BCO1: variants seen among roughly 807,000 people sequenced by gnomAD.
The protein encoded by BCO1 is beta,beta-carotene 15,15'-dioxygenase.
In BCO1, 54 loss-of-function variants were observed where a neutral mutation model predicts 56.3. That is an observed-to-expected ratio of 0.96 (90% CI 0.77 to 1.20). The LOEUF (loss-of-function observed/expected upper bound fraction) is 1.20, where lower values mean the gene tolerates loss of function less well. Ranked by LOEUF, BCO1 falls within the 50% of genes most tolerant of loss-of-function variation. The pLI is 0.00. For synonymous variants in BCO1, 318 were observed against 266.1 expected (o/e 1.20, Z -1.90); for missense variants, 801 against 690.9 (o/e 1.16, Z -1.79).
chr16:81,259,944 C>A, intron 3 of BCO1, 139 bp downstream of exon 3: 1 of 1,064,262 alleles, frequency 9.4e-7, no homozygotes, highest in Non-Finnish European at 1.4e-6. Flanking sequence ...ACCAGAGGTG[C>A]TACACAGTTC....
At chr16:81,270,557 A>G in intron 7 of BCO1, 141 bp downstream of exon 7, 1 of 1,144,170 alleles carries the variant, frequency 8.7e-7, no homozygotes, top group South Asian at 1.4e-5. Context: ...TGTTTTTCCC[A>G]AAGTAGTACC....
chr16:81,281,047 T>C lies in BCO1; in HGVS notation c.1207+85T>C, dbSNP rs988660484. ...GAGGCCTCTTTACATAATAATTCCC[T>C]CCTGTGCATGGACAAGGGCCAAAAA... is the stretch of plus-strand genomic sequence containing the variant. On this transcript the variant is annotated intron_variant, in intron 8 of 10. Transcript: ENST00000258168. 1.0e-5 allele frequency: 10 copies of C among 974,210 alleles called. No homozygotes were observed. In the African/African-American group the frequency reaches 1.6e-4, roughly 16 times the overall value. The allele number at this position is 974,210 out of a possible 1,614,324, so 60.3% of individuals were successfully genotyped here.
chr16:81,287,472 C>T (rs994144964), intron 10 of BCO1, 66 bp downstream of exon 10: 41 of 1,295,084 alleles, frequency 3.2e-5, no homozygotes, highest in Non-Finnish European at 4.4e-5. Context: ...AACAGAGACA[C>T]CATCTGGGGG....
At chr16:81,244,219 A>G (rs111850415) in intron 1 of BCO1, among the ~76,000 whole-genome samples, 1 of 152,186 alleles carries the variant, frequency 6.6e-6, no homozygotes, top group Admixed American at 6.5e-5. Flanking sequence ...CACCAACAGC[A>G]TTTTCTGCAG....
At chr16:81,248,985 C>T (rs914121938) in intron 2 of BCO1, among the ~76,000 whole-genome samples, 1 of 152,038 alleles carries the variant, frequency 6.6e-6, no homozygotes, top group African/African-American at 2.4e-5. Context: ...GCACTCCAGC[C>T]TGGGTGACAC....
At chr16:81,245,438 G>A (rs1344876970) in intron 1 of BCO1, 37 bp from the exon 2 acceptor site, 2 of 1,614,022 alleles carry the variant, frequency 1.2e-6, no homozygotes, top group African/African-American at 1.3e-5. Context: ...TGGTTTGCAG[G>A]TGGAAACGGG....
chr16:81,281,460 A>T (rs1364683125), intron 8 of BCO1, among the ~76,000 whole-genome samples: 1 of 152,134 alleles, frequency 6.6e-6, no homozygotes, highest in Non-Finnish European at 1.5e-5. Context: ...AAATAAAAAT[A>T]AAAATAGGAA....
chr16:81,248,144 G>C (rs1236588246), intron 2 of BCO1, among the ~76,000 whole-genome samples: 1 of 152,066 alleles, frequency 6.6e-6, no homozygotes, highest in Non-Finnish European at 1.5e-5. Context: ...GCTCACACCT[G>C]TATTCCCAGC....
chr16:81,290,528 AG>A lies in BCO1; in HGVS notation c.1597del (p.Glu533AsnfsTer14). Reference protein sequence around the residue: ...DWDTKKQAASEEQRDRASDCH... With the variant: ...DWDTKKQAASXEQRDRASDCH... Reference sequence around the variant, plus strand: ...GACACAAAAAAGCAGGCCGCTTCTGAGGAACAGCGGGACAGGGCTTCCGACT... The same window carrying A: ...GACACAAAAAAGCAGGCCGCTTCTGAGAACAGCGGGACAGGGCTTCCGACT... On this transcript the variant is annotated frameshift_variant, in exon 11 of 11. Coordinates refer to ENST00000258168, the MANE Select transcript of BCO1 (RefSeq NM_017429.3). LOFTEE classifies it low-confidence loss of function (END_TRUNC). 1 of 1,614,082 alleles carries A rather than the reference AG, an allele frequency of 6.2e-7. No homozygotes were observed. The highest frequency in any genetic ancestry group is 8.5e-7 in the Non-Finnish European group (1 of 1,180,032).
intron 7 of BCO1, among the ~76,000 whole-genome samples, chr16:81,276,791 G>T (rs1239656592): frequency 2.0e-5 from 3 of 152,058 alleles, no homozygotes; most frequent in Admixed American, 1.3e-4. Context: ...TTAAGGCCAG[G>T]CATGGTGGCT....
At chr16:81,273,639 C>CTTTTTTT (rs59815701) in intron 7 of BCO1, among the ~76,000 whole-genome samples, 3 of 146,300 alleles carry the variant, frequency 2.1e-5, no homozygotes, top group Non-Finnish European at 1.5e-5. Context: ...TTTAAAAATC[C>CTTTTTTT]TTTTTTTTTT....
intron 2 of BCO1, among the ~76,000 whole-genome samples, chr16:81,252,915 C>T (rs572760723): frequency 1.8e-4 from 27 of 152,258 alleles, no homozygotes; most frequent in Non-Finnish European, 3.5e-4. Flanking sequence ...TCAAGACCAT[C>T]CTGGCCAACA....
At chr16:81,277,037 G>A (rs560434070) in intron 7 of BCO1, among the ~76,000 whole-genome samples, 6 of 134,464 alleles carry the variant, frequency 4.5e-5, no homozygotes, top group East Asian at 2.3e-4. Flanking sequence ...ACCGTATTCC[G>A]CCTGGATGAC....
chr16:81,249,250 C>G (rs1020661727), intron 2 of BCO1, among the ~76,000 whole-genome samples: 1 of 151,690 alleles, frequency 6.6e-6, no homozygotes, highest in Non-Finnish European at 1.5e-5. Flanking sequence ...GCCACCACAT[C>G]TGGCTAGTTT....
intron 5 of BCO1, among the ~76,000 whole-genome samples, chr16:81,265,972 C>A (rs1304956917): frequency 2.6e-5 from 4 of 152,084 alleles, no homozygotes; most frequent in Non-Finnish European, 5.9e-5. Flanking sequence ...ACCATCTATC[C>A]ATCCACCCAC....
chr16:81,273,107 T>A (rs1193725638), intron 7 of BCO1, among the ~76,000 whole-genome samples: 2 of 152,136 alleles, frequency 1.3e-5, no homozygotes, highest in Non-Finnish European at 2.9e-5. Flanking sequence ...GAAGCTGGGA[T>A]TACAGGCATG....
In BCO1 at chr16:81,268,062, C is replaced by A; in HGVS notation, c.774C>A (p.Leu258=). 6.2e-7 allele frequency: 1 copy of A among 1,613,312 alleles called. No homozygotes were observed. The stretch of plus-strand genomic sequence containing the variant: ...AGCAGCCTTTCAGGTTGGATATTCT[C>A]AAGATGGCAACCGCATACATCCGGA... ...FLEQPFRLDI[L]KMATAYIRRM... The change falls in exon 6 of 11, where the codon CTC becomes CTA. Residue 258 remains leucine (L), a synonymous_variant. Coordinates refer to ENST00000258168, the MANE Select transcript of BCO1 (RefSeq NM_017429.3).
At chr16:81,271,276 A>G (rs1236585629) in intron 7 of BCO1, among the ~76,000 whole-genome samples, 1 of 151,418 alleles carries the variant, frequency 6.6e-6, no homozygotes, top group African/African-American at 2.4e-5. Context: ...CACCACGCCC[A>G]GCTAATTTTT....
intron 8 of BCO1, among the ~76,000 whole-genome samples, chr16:81,281,660 A>G (rs923677911): frequency 4.6e-5 from 7 of 152,224 alleles, no homozygotes; most frequent in African/African-American, 1.7e-4. Context: ...AGGTACACAC[A>G]GAAAGCAGAC....
Sources: gnomAD v4.1 joint callset for allele counts (sites outside exome capture counted in the v4.1 genomes callset) on GRCh38, gnomAD v4.1.1 for gene constraint, MANE v1.5 for transcripts, NCBI Gene and HGNC (gene_info 2026-07-23, HGNC 2026-07-21) for gene names.